RNF216: variants seen among roughly 807,000 people sequenced by gnomAD.
The protein encoded by RNF216 is ring finger protein 216.
A neutral mutation model predicts 110.8 loss-of-function variants in RNF216; 72 were observed. The observed-to-expected ratio is 0.65, with a 90% CI of 0.54 to 0.79. The LOEUF (loss-of-function observed/expected upper bound fraction) is 0.79. Ranked by LOEUF, RNF216 falls within the 30% of genes least tolerant of loss-of-function variation. The pLI, the probability that RNF216 is intolerant of heterozygous loss-of-function variation, is 0.00. For missense variants in RNF216, 1,342 were observed against 1,141.2 expected (o/e 1.18, Z -2.54); for synonymous variants, 495 against 407.5 (o/e 1.21, Z -2.59).
intron 8 of RNF216, 120 bp downstream of exon 8, chr7:5,725,204 C>T: frequency 1.7e-6 from 1 of 602,694 alleles, no homozygotes; most frequent in Non-Finnish European, 3.0e-6. Flanking sequence ...TCAGTCACTC[C>T]TTGGACTGGC....
intron 15 of RNF216, among the ~76,000 whole-genome samples, 180 bp downstream of exon 15, chr7:5,640,971 TTGA>T (rs1787698543): frequency 6.6e-6 from 1 of 152,260 alleles, no homozygotes; most frequent in African/African-American, 2.4e-5. Flanking sequence ...GCATGCTGCT[TTGA>T]GCAGCATGAG....
At chr7:5,721,534 G>C (rs1266629181) in intron 8 of RNF216, among the ~76,000 whole-genome samples, 1 of 152,196 alleles carries the variant, frequency 6.6e-6, no homozygotes, top group Non-Finnish European at 1.5e-5. Flanking sequence ...CCATTTGTTG[G>C]TGAATGTATG....
intron 1 of RNF216, among the ~76,000 whole-genome samples, chr7:5,769,327 A>G (rs945920659): frequency 1.2e-4 from 18 of 152,150 alleles, no homozygotes; most frequent in Admixed American, 9.2e-4. Context: ...CATGTTGGCC[A>G]GGATGGTCTC....
At chr7:5,728,228 G>C (rs1393142396) in intron 7 of RNF216, among the ~76,000 whole-genome samples, 1 of 152,102 alleles carries the variant, frequency 6.6e-6, no homozygotes, top group Non-Finnish European at 1.5e-5. Context: ...GGAGACCCTT[G>C]GTCTACCTTA....
At chr7:5,715,286 A>T in intron 10 of RNF216, 96 bp from the exon 11 acceptor site, 1 of 1,304,058 alleles carries the variant, frequency 7.7e-7, no homozygotes, top group South Asian at 1.4e-5. Flanking sequence ...CCCCCACACA[A>T]ATTCTGAGGT....
At chr7:5,701,663 A>G (rs539740015) in intron 13 of RNF216, among the ~76,000 whole-genome samples, 55 of 152,346 alleles carry the variant, frequency 3.6e-4, no homozygotes, top group Admixed American at 2.8e-3. Context: ...GAATTAAAGC[A>G]TAAGTGGGTT....
chr7:5,698,669 T>C (rs1172163198), intron 13 of RNF216, among the ~76,000 whole-genome samples: 4 of 152,128 alleles, frequency 2.6e-5, no homozygotes, highest in African/African-American at 9.7e-5. Flanking sequence ...GCTGGAATTA[T>C]AGGCATGAGC....
At chr7:5,724,284 A>G (rs933788300) in intron 8 of RNF216, among the ~76,000 whole-genome samples, 1 of 152,242 alleles carries the variant, frequency 6.6e-6, no homozygotes, top group African/African-American at 2.4e-5. Context: ...CTCCACAGCC[A>G]AGAACTACAA....
intron 8 of RNF216, among the ~76,000 whole-genome samples, chr7:5,722,384 T>A (rs1793484686): frequency 6.6e-6 from 1 of 151,246 alleles, no homozygotes; most frequent in East Asian, 1.9e-4. Context: ...TTTTTTTGTT[T>A]GTTTGTTTGT....
At chr7:5,714,749 T>C (rs889432065) in intron 11 of RNF216, among the ~76,000 whole-genome samples, 3 of 142,098 alleles carry the variant, frequency 2.1e-5, no homozygotes, top group African/African-American at 5.0e-5. Flanking sequence ...TTTAATCCAA[T>C]AGGCTGCAAG....
chr7:5,761,019 G>A lies in RNF216; in HGVS notation c.51C>T (p.His17=), dbSNP rs769669257. ...ACAACTTACCTTGTCCCCGATGGCA[G>A]TGAAAGTTGTTCAAGTGAATTACCT... ...NEEVIHLNNF[H]CHRGQEWINL... The change falls in exon 2 of 17, where the codon CAC becomes CAT. Residue 17 remains histidine, a synonymous_variant. Coordinates refer to ENST00000389902, the MANE Select transcript of RNF216 (RefSeq NM_207111.4). 1.3e-5 allele frequency: 20 copies of A among 1,577,352 alleles called. No homozygotes were observed. In the South Asian group the frequency reaches 2.3e-4, roughly 18 times the overall value.
At chr7:5,701,023 G>A (rs1330780618) in intron 13 of RNF216, among the ~76,000 whole-genome samples, 1 of 152,088 alleles carries the variant, frequency 6.6e-6, no homozygotes, top group African/African-American at 2.4e-5. Context: ...CTGAGTAGGA[G>A]TAAGAAATCA....
intron 15 of RNF216, among the ~76,000 whole-genome samples, chr7:5,625,705 TTTGC>T (rs1786666100): frequency 6.6e-6 from 1 of 152,246 alleles, no homozygotes; most frequent in Non-Finnish European, 1.5e-5. Context: ...CTGTTCTAAG[TTTGC>T]TGATTAAACT....
chr7:5,655,621 A>C (rs1201496873), intron 13 of RNF216, among the ~76,000 whole-genome samples: 2 of 151,812 alleles, frequency 1.3e-5, no homozygotes, highest in Non-Finnish European at 2.9e-5. Context: ...AAGGGGGGAC[A>C]AAAAAAGACA....
At position 5,722,064 on chromosome 7, in the gene RNF216, C is replaced by T. The variant is rs544074024; in HGVS notation, c.1505-892G>A. On this transcript the variant is annotated intron_variant, in intron 8 of 16. Transcript: ENST00000389902. ...AGCCTCCTGAGGAGCTGGGACTATA[C>T]AGGCAGATGCCACCACACCCAGCTA... 1.3e-5 allele frequency among the ~76,000 whole-genome samples: 2 copies of T among 152,022 alleles called. 1 individual carries two copies. The highest frequency in any genetic ancestry group is 1.3e-4 in the Admixed American group (2 of 15,270).
intron 5 of RNF216, chr7:5,733,144 T>G (rs1794188737): frequency 6.6e-6 from 1 of 152,278 alleles, no homozygotes; most frequent in African/African-American, 2.4e-5. Context: ...TTTAGTTTAG[T>G]TGTGGAGTTA....
intron 1 of RNF216, among the ~76,000 whole-genome samples, chr7:5,768,801 A>G (rs943573458): frequency 7.9e-5 from 12 of 151,360 alleles, no homozygotes; most frequent in African/African-American, 2.9e-4. Context: ...AACTAAGACT[A>G]CAGGCGCCCA....
At chr7:5,743,226 C>G (rs906836064) in intron 3 of RNF216, among the ~76,000 whole-genome samples, 8 of 152,052 alleles carry the variant, frequency 5.3e-5, no homozygotes, top group African/African-American at 1.9e-4. Flanking sequence ...GGTACCACAG[C>G]ACTCCAGCCT....
intron 8 of RNF216, among the ~76,000 whole-genome samples, chr7:5,722,277 G>C (rs1793473154): frequency 6.6e-6 from 1 of 151,064 alleles, no homozygotes; most frequent in African/African-American, 2.4e-5. Flanking sequence ...ATTTACTCTT[G>C]TCTGTTCTTG....
Sources: gnomAD v4.1 joint callset for allele counts (sites outside exome capture counted in the v4.1 genomes callset) on GRCh38, gnomAD v4.1.1 for gene constraint, MANE v1.5 for transcripts, NCBI Gene and HGNC (gene_info 2026-07-23, HGNC 2026-07-21) for gene names.